The following ELAVL2 variants were observed in gnomAD, a reference collection of about 807,000 sequenced individuals.
ELAVL2 encodes the protein ELAV like RNA binding protein 2, also known as ELAV-like protein 2.
ELAVL2 carries 4 observed loss-of-function variants against 34.6 expected under a neutral mutation model. The ratio of observed to expected loss-of-function variants is 0.12; its 90% confidence interval spans 0.06 to 0.26. ELAVL2 has a LOEUF of 0.26. Ranked by LOEUF, ELAVL2 falls within the 10% of genes least tolerant of loss-of-function variation. The pLI is 1.00. For synonymous variants in ELAVL2, 193 were observed against 154.8 expected (o/e 1.25, Z -1.83); for missense variants, 432 against 442.8 (o/e 0.98, Z 0.22).
intron 1 of ELAVL2, among the ~76,000 whole-genome samples, chr9:23,777,757 C>G (rs553443468): frequency 2.0e-5 from 3 of 152,296 alleles, no homozygotes; most frequent in South Asian, 2.1e-4. Context: ...TGCTCTGCAT[C>G]GCTGGCTACC....
At chr9:23,765,603 T>G (rs1203575802) in intron 1 of ELAVL2, among the ~76,000 whole-genome samples, 1 of 152,170 alleles carries the variant, frequency 6.6e-6, no homozygotes, top group Non-Finnish European at 1.5e-5. Flanking sequence ...ATACTATAAA[T>G]GATCCTTAAT....
At chr9:23,778,831 T>C (rs1201009842) in intron 1 of ELAVL2, among the ~76,000 whole-genome samples, 1 of 152,182 alleles carries the variant, frequency 6.6e-6, no homozygotes, top group Admixed American at 6.5e-5. Context: ...AACATCCTAA[T>C]ATGACTGCCA....
chr9:23,772,271 CAT>C (rs1318847012), intron 1 of ELAVL2, among the ~76,000 whole-genome samples: 1 of 152,098 alleles, frequency 6.6e-6, no homozygotes, highest in African/African-American at 2.4e-5. Context: ...AGGTTAAAAA[CAT>C]AGCTCCTCTG....
chr9:23,695,589 A>G (rs1040625177), intron 5 of ELAVL2, among the ~76,000 whole-genome samples: 3 of 152,172 alleles, frequency 2.0e-5, no homozygotes, highest in African/African-American at 2.4e-5. Flanking sequence ...GCACTTATAC[A>G]AACCTAGATG....
intron 5 of ELAVL2, among the ~76,000 whole-genome samples, chr9:23,698,509 T>C (rs987885250): frequency 2.0e-5 from 3 of 152,190 alleles, no homozygotes; most frequent in Non-Finnish European, 2.9e-5. Context: ...ATAATACATA[T>C]AACTTATATT....
intron 5 of ELAVL2, among the ~76,000 whole-genome samples, chr9:23,697,989 AG>A (rs1307235860): frequency 3.3e-5 from 5 of 152,114 alleles, no homozygotes; most frequent in Admixed American, 1.3e-4. Flanking sequence ...TCTAAGAAAG[AG>A]GAAAAGTATT....
the ELAVL2 span, among the ~76,000 whole-genome samples, chr9:23,834,285 A>T: frequency 1.3e-5 from 2 of 151,972 alleles, no homozygotes; most frequent in Non-Finnish European, 2.9e-5. Flanking sequence ...CTTGTCAAAA[A>T]ATTACTCCTT....
intron 1 of ELAVL2, among the ~76,000 whole-genome samples, chr9:23,807,905 C>T (rs931663950): frequency 4.6e-5 from 7 of 152,288 alleles, no homozygotes; most frequent in African/African-American, 1.7e-4. Flanking sequence ...GATCTCACTG[C>T]TGGGCTTTGC....
intron 2 of ELAVL2, among the ~76,000 whole-genome samples, chr9:23,757,309 A>G (rs1458179411): frequency 6.6e-6 from 1 of 152,090 alleles, no homozygotes. Context: ...CATTTGCTTC[A>G]TCTTTAAAGA....
At chr9:23,843,332 G>A in the ELAVL2 span, among the ~76,000 whole-genome samples, 1 of 152,042 alleles carries the variant, frequency 6.6e-6, no homozygotes, top group Non-Finnish European at 1.5e-5. Flanking sequence ...ATCCCAGAGG[G>A]AATAAGCTAA....
chr9:23,705,043 G>C lies in ELAVL2; in HGVS notation c.362C>G (p.Ser121Cys), dbSNP rs1197791365. 1 of 1,614,008 alleles carries C rather than the reference G, an allele frequency of 6.2e-7. No homozygotes were observed. The highest frequency in any genetic ancestry group is 8.5e-7 in the Non-Finnish European group (1 of 1,180,004). ...KVSYARPSSA[S>C]IRDANLYVSG... ...GACATATAAATTTGCATCTCTGATA[G>C]AAGCTGAACTTGGGCGAGCATAGGA... The change falls in exon 4 of 7, where the codon TCT becomes TGT. Residue 121 changes from serine (S) to cysteine (C), a missense_variant. Ser to Cys is a moderately radical substitution (Grantham distance 112). This residue lies in a region of ELAVL2 where 295 missense variants were observed against 306.1 expected (regional missense o/e 0.96). Transcript: ENST00000397312.
intron 3 of ELAVL2, among the ~76,000 whole-genome samples, chr9:23,714,646 A>C (rs1397947921): frequency 1.3e-5 from 2 of 152,300 alleles, no homozygotes; most frequent in African/African-American, 2.4e-5. Context: ...TAAAACGTAA[A>C]ATGAGCGATT....
intron 1 of ELAVL2, among the ~76,000 whole-genome samples, chr9:23,806,701 C>T (rs897323630): frequency 6.6e-6 from 1 of 152,010 alleles, no homozygotes; most frequent in Non-Finnish European, 1.5e-5. Flanking sequence ...CATCAAAGAG[C>T]TTCCAATGTA....
At chr9:23,827,587 G>A (rs953704685), upstream of ELAVL2, among the ~76,000 whole-genome samples, 1 of 151,466 alleles carries the variant, frequency 6.6e-6, no homozygotes, top group African/African-American at 2.4e-5. Context: ...GTCTTAACCA[G>A]AGGCACATGC....
At position 23,692,764 on chromosome 9, in the gene ELAVL2, G is replaced by T; in HGVS notation, c.873C>A (p.Ile291=). 6.2e-7 allele frequency: 1 copy of T among 1,614,144 alleles called. No individual in the cohort carries two copies. Among genetic ancestry groups the T allele is most frequent in the African/African-American group, 1.3e-5 (1 of 75,038 alleles). The change falls in exon 7 of 7, where the codon ATC becomes ATA. Residue 291 remains isoleucine (I), a synonymous_variant. Coordinates refer to ENST00000397312, the MANE Select transcript of ELAVL2 (RefSeq NM_004432.5). ...YNLAPDADES[I]LWQMFGPFGA... ...CAAAAGGCCCAAACATTTGCCACAG[G>T]ATACTCTCATCTGCGTCAGGAGCCA...
At chr9:23,726,430 T>C (rs2045183263) in intron 3 of ELAVL2, among the ~76,000 whole-genome samples, 1 of 152,152 alleles carries the variant, frequency 6.6e-6, no homozygotes, top group Non-Finnish European at 1.5e-5. Flanking sequence ...CGGGCAGTTT[T>C]TCTATGGTAG....
At chr9:23,791,674 TG>T (rs969483940) in intron 1 of ELAVL2, among the ~76,000 whole-genome samples, 99 of 152,316 alleles carry the variant, frequency 6.5e-4, no homozygotes, top group Non-Finnish European at 8.1e-4. Flanking sequence ...GAGACACCAA[TG>T]ATTTCTCCTT....
chr9:23,777,112 G>A (rs1169626360), intron 1 of ELAVL2, among the ~76,000 whole-genome samples: 1 of 152,140 alleles, frequency 6.6e-6, no homozygotes, highest in Non-Finnish European at 1.5e-5. Context: ...GCAGTAAATA[G>A]TCTTTAACTG....
intron 1 of ELAVL2, among the ~76,000 whole-genome samples, chr9:23,821,053 G>C (rs1304686083): frequency 6.6e-6 from 1 of 152,180 alleles, no homozygotes; most frequent in Admixed American, 6.5e-5. Flanking sequence ...TCCAAGGACC[G>C]CGCGCGCGAA....
Sources: gnomAD v4.1 joint callset for allele counts (sites outside exome capture counted in the v4.1 genomes callset) on GRCh38, gnomAD v4.1.1 for gene constraint, gnomAD v4.1.1 regional missense constraint, MANE v1.5 for transcripts, NCBI Gene and HGNC (gene_info 2026-07-23, HGNC 2026-07-21) for gene names.